Variants in SRGAP2 observed in about 807,000 individuals in gnomAD.
SRGAP2 encodes the protein SLIT-ROBO Rho GTPase-activating protein 2.
A neutral mutation model predicts 57.2 loss-of-function variants in SRGAP2; 15 were observed. The ratio of observed to expected loss-of-function variants is 0.26; its 90% CI spans 0.18 to 0.40. The LOEUF (loss-of-function observed/expected upper bound fraction) is 0.40. Ranked by LOEUF, SRGAP2 falls within the 10% of genes least tolerant of loss-of-function variation. The pLI, the probability that SRGAP2 is intolerant of heterozygous loss-of-function variation, is 1.00. For synonymous variants in SRGAP2, 249 were observed against 248.0 expected, an observed-to-expected ratio of 1.00 and a Z score of -0.04; for missense variants, 520 against 669.6, an observed-to-expected ratio of 0.78 and a Z score of 2.47.
intron 14 of SRGAP2, among the ~76,000 whole-genome samples, chr1:206,434,267 C>T (rs1344112911): frequency 2.0e-5 from 3 of 151,930 alleles, no homozygotes; most frequent in African/African-American, 7.3e-5. Context: ...ATTTGAGGAA[C>T]AATTGAAACT....
rs146190256 is a variant in SRGAP2, at chr1:206,412,409, G to C, written c.1357-3480G>C. ...GTTGGGGGTGGGCACTGGTCAGACT[G>C]TGTTTTAGGAACTTGATTTTATTTT... On this transcript the variant is annotated intron_variant, in intron 10 of 22. Transcript: ENST00000573034. Among the ~76,000 whole-genome samples the C allele has an allele frequency of 5.3e-5, 8 of 152,314 alleles. No individual in the cohort carries two copies. In the East Asian group the frequency reaches 1.3e-3, roughly 26 times the overall value.
intron 13 of SRGAP2, among the ~76,000 whole-genome samples, chr1:206,423,932 G>A (rs771190506): frequency 1.0e-4 from 15 of 147,280 alleles, no homozygotes; most frequent in South Asian, 4.3e-4. Flanking sequence ...ACACCACCAC[G>A]CCTGGCTAAT....
intron 12 of SRGAP2, among the ~76,000 whole-genome samples, chr1:206,419,626 A>G (rs1372836980): frequency 6.6e-6 from 1 of 152,120 alleles, no homozygotes; most frequent in Admixed American, 6.5e-5. Flanking sequence ...AGCAGAACTG[A>G]GTAAAAGGGG....
intron 3 of SRGAP2, among the ~76,000 whole-genome samples, chr1:206,332,473 CAT>C (rs1389130969): frequency 6.6e-6 from 1 of 151,380 alleles, no homozygotes; most frequent in Admixed American, 6.6e-5. Flanking sequence ...GGTCTTTTCA[CAT>C]AGTCCCATAT....
chr1:206,374,835 G>A (rs2103037382), intron 4 of SRGAP2, among the ~76,000 whole-genome samples: 1 of 8,652 alleles, frequency 1.2e-4, no homozygotes, highest in Non-Finnish European at 2.5e-4. Context: ...TACTCCCAGT[G>A]TTCTAAAACT....
intron 4 of SRGAP2, among the ~76,000 whole-genome samples, chr1:206,383,042 G>T: frequency 7.1e-6 from 1 of 141,194 alleles, no homozygotes. Context: ...TCTTTTTTTT[G>T]AGACAGAGTC....
chr1:206,309,167 TAAAAAA>T (rs1334138473), intron 3 of SRGAP2, among the ~76,000 whole-genome samples: 1 of 131,676 alleles, frequency 7.6e-6, no homozygotes, highest in Non-Finnish European at 1.6e-5. Context: ...CCCTGTGTCT[TAAAAAA>T]AAAAAAAAAA....
chr1:206,260,711 C>T (rs532250900), intron 2 of SRGAP2, among the ~76,000 whole-genome samples: 1 of 152,298 alleles, frequency 6.6e-6, no homozygotes, highest in Non-Finnish European at 1.5e-5. Flanking sequence ...TGGATGGCTG[C>T]CTCCTACTTT....
At chr1:206,295,739 A>G (rs1396764019) in intron 2 of SRGAP2, among the ~76,000 whole-genome samples, 4 of 151,868 alleles carry the variant, frequency 2.6e-5, no homozygotes, top group Non-Finnish European at 5.9e-5. Flanking sequence ...TTTGAAATGT[A>G]TATTTGGATC....
chr1:206,422,239 T>G (rs1429923575), intron 13 of SRGAP2, among the ~76,000 whole-genome samples: 4 of 152,266 alleles, frequency 2.6e-5, no homozygotes, highest in African/African-American at 9.6e-5. Context: ...CTCATCTGAC[T>G]GCTCTGACAG....
chr1:206,296,171 C>A (rs1466151577), intron 2 of SRGAP2, among the ~76,000 whole-genome samples: 1 of 151,684 alleles, frequency 6.6e-6, no homozygotes, highest in Non-Finnish European at 1.5e-5. Flanking sequence ...CTCTGCTTCT[C>A]TGGGCCAACT....
chr1:206,389,165 C>CTTTT (rs71274650), intron 5 of SRGAP2, among the ~76,000 whole-genome samples: 2 of 73,074 alleles, frequency 2.7e-5, no homozygotes, highest in African/African-American at 1.3e-4. Flanking sequence ...CTCAGACTTC[C>CTTTT]TTTTTTTTTT....
intron 2 of SRGAP2, among the ~76,000 whole-genome samples, chr1:206,290,944 G>A (rs1200910258): frequency 1.1e-3 from 173 of 152,116 alleles, no homozygotes; most frequent in African/African-American, 3.9e-3. Context: ...TGATGGCATG[G>A]ACTTTTTCCT....
chr1:206,312,113 CG>C (rs1672688869), intron 3 of SRGAP2: 1 of 152,148 alleles, frequency 6.6e-6, no homozygotes, highest in African/African-American at 2.4e-5. Context: ...TCACCTCCCC[CG>C]GAGCTGTAGC....
chr1:206,371,501 C>T (rs1256434017), intron 4 of SRGAP2, among the ~76,000 whole-genome samples: 67 of 149,742 alleles, frequency 4.5e-4, no homozygotes, highest in African/African-American at 1.6e-3. Context: ...GAGGCCGAGA[C>T]GGGCAGATCA....
chr1:206,423,777 ATT>A (rs200702527), intron 13 of SRGAP2, among the ~76,000 whole-genome samples: 13 of 146,102 alleles, frequency 8.9e-5, no homozygotes, highest in Admixed American at 4.1e-4. Context: ...CACCTTTCTG[ATT>A]TTTTTTTTTT....
rs1368349958 is a variant in SRGAP2 at position 206,373,089 on chromosome 1, C to CT, written c.424-10916dup. Among the ~76,000 whole-genome samples, 8 of 105,382 alleles carry CT rather than the reference C, an allele frequency of 7.6e-5. 1 individual carries two copies. Among genetic ancestry groups the CT allele is most frequent in the Non-Finnish European group, 1.6e-4 (8 of 51,336 alleles). The allele number at this position is 105,382 out of a possible 152,430, so 69.1% of individuals were successfully genotyped here. A position where few individuals can be genotyped will look rare whatever the true frequency, so the allele number is the denominator to read the frequency against. The stretch of plus-strand genomic sequence containing the variant: ...GCCCCCCCACTTCTTTCTTTCTGTC[C>CT]TTTTTTTTTCTTTTTTTTTTTTTTT... On this transcript the variant is annotated intron_variant, in intron 4 of 22. Transcript: ENST00000573034.
At chr1:206,435,825 C>T (rs1054234611) in intron 14 of SRGAP2, among the ~76,000 whole-genome samples, 9 of 152,214 alleles carry the variant, frequency 5.9e-5, no homozygotes, top group Non-Finnish European at 1.2e-4. Context: ...TCTGTGAAAG[C>T]ATTGATTAGC....
Position 206,453,241 on chromosome 1 carries a change from G to T in SRGAP2, c.2221G>T (p.Gly741Cys). 1.5e-6 allele frequency: 1 copy of T among 659,814 alleles called. No homozygotes were observed. The allele number at this position is 659,814 out of a possible 1,614,324, so 40.9% of individuals were successfully genotyped here. A position where few individuals can be genotyped will look rare whatever the true frequency, so the allele number is the denominator to read the frequency against. ...GGCCATTGCCAAGTTTGACTACGTG[G>T]GCCGGACAGCCCGAGAGCTATCCTT... The part of the protein sequence containing the change: ...IEAIAKFDYV[G>C]RTARELSFKK... Residue 741 changes from glycine (G) to cysteine (C), a missense_variant, in exon 20 of 23, where the codon GGC becomes TGC. Physicochemically the swap from Gly to Cys is radical, Grantham distance 159. Transcript: ENST00000573034.
Sources: gnomAD v4.1 joint callset for allele counts (sites outside exome capture counted in the v4.1 genomes callset) on GRCh38, gnomAD v4.1.1 for gene constraint, MANE v1.5 for transcripts, NCBI Gene and HGNC (gene_info 2026-07-23, HGNC 2026-07-21) for gene names.